AGAP1: variants seen among roughly 807,000 people sequenced by gnomAD.
The protein encoded by AGAP1 is arf-GAP with GTPase, ANK repeat and PH domain-containing protein 1.
Under a neutral mutation model 105.3 loss-of-function variants are expected in AGAP1, and 29 were observed. The ratio of observed to expected loss-of-function variants is 0.28; its 90% confidence interval spans 0.21 to 0.38. AGAP1 has a LOEUF of 0.38. Ranked by LOEUF, AGAP1 falls within the 10% of genes least tolerant of loss-of-function variation. The pLI is 1.00. For missense variants in AGAP1, 998 were observed against 1,165.1 expected, an observed-to-expected ratio of 0.86 and a Z score of 2.09; for synonymous variants, 509 against 485.9, an observed-to-expected ratio of 1.05 and a Z score of -0.63.
rs1170744061 is a variant in AGAP1, at chr2:236,078,378, A to G, written c.2114+29097A>G. Among the ~76,000 whole-genome samples, 1 of 152,102 alleles carries G rather than the reference A, an allele frequency of 6.6e-6. No homozygotes were observed. Among genetic ancestry groups the G allele is most frequent in the Admixed American group, 6.5e-5 (1 of 15,272 alleles). On this transcript the variant is annotated intron_variant, in intron 16 of 17. Transcript: ENST00000304032. This position sits in a 1 kb window ranked among gnomAD's most constrained non-coding sequence, Gnocchi z 5.3. Reference sequence around the variant, plus strand: ...CCTTTGTTTGGAGTCCATGGACTATAAGTGACATCTACAAAAGGCCTTCAC... The same window carrying G: ...CCTTTGTTTGGAGTCCATGGACTATGAGTGACATCTACAAAAGGCCTTCAC...
intron 13 of AGAP1, among the ~76,000 whole-genome samples, chr2:236,022,735 A>G (rs1217812084): frequency 6.6e-6 from 1 of 152,112 alleles, no homozygotes; most frequent in Non-Finnish European, 1.5e-5. Context: ...GAATTTTGCC[A>G]TGTTGCGCAG....
chr2:235,604,572 CTTTTTTTTTTTTTTTTT>C (rs1166523228), intron 1 of AGAP1, among the ~76,000 whole-genome samples: 1,192 of 69,782 alleles, frequency 0.017, 47 homozygotes, highest in African/African-American at 0.074. Flanking sequence ...TTTTTATTAT[CTTTTTTTTTTTTTTTTT>C]TTTTTTTTTT....
intron 1 of AGAP1, among the ~76,000 whole-genome samples, chr2:235,674,589 T>G (rs1284375807): frequency 6.6e-6 from 1 of 152,226 alleles, no homozygotes; most frequent in Admixed American, 6.5e-5. Flanking sequence ...CTTTTAAAAT[T>G]AGTAATTTAC....
In AGAP1 at chr2:235,712,313, C is replaced by T. The variant is rs79279863; in HGVS notation, c.222+3076C>T. Among the ~76,000 whole-genome samples, 1,357 of 152,336 alleles carry T rather than the reference C, an allele frequency of 8.9e-3. 27 individuals are homozygous for T. The highest frequency in any genetic ancestry group is 0.031 in the African/African-American group (1,293 of 41,576). On this transcript the variant is annotated intron_variant, in intron 2 of 17. Coordinates refer to ENST00000304032, the MANE Select transcript of AGAP1 (RefSeq NM_001037131.3). The surrounding 1 kb of genome is among the most constrained non-coding windows in gnomAD (Gnocchi z 6.0). ...GATGACAGGCCTGAGCCACTGCGCC[C>T]GGCCTGATGTTTTCTGAAGTTGTGC...
chr2:235,534,118 C>T lies in AGAP1; in HGVS notation c.163+39269C>T, dbSNP rs146429753. ...GAAGGAGTACTCACTGTGTGTTCTC[C>T]ATGCCCTTCTGTCTCTGAGAAGCAG... On this transcript the variant is annotated intron_variant, in intron 1 of 17. Coordinates refer to ENST00000304032, the MANE Select transcript of AGAP1 (RefSeq NM_001037131.3). Among the ~76,000 whole-genome samples, 481 of 152,324 alleles carry T rather than the reference C, an allele frequency of 3.2e-3. 5 individuals are homozygous for T. The highest frequency in any genetic ancestry group is 0.011 in the African/African-American group (471 of 41,578).
intron 5 of AGAP1, among the ~76,000 whole-genome samples, chr2:235,745,749 T>A (rs1342896295): frequency 6.6e-6 from 1 of 152,222 alleles, no homozygotes; most frequent in African/African-American, 2.4e-5. Flanking sequence ...CTAGGTGTGG[T>A]CTAAGTAGGA....
In AGAP1 at chr2:236,117,526, A is replaced by C. The variant is rs943544326; in HGVS notation, c.2115-2666A>C. Reference sequence around the variant, plus strand: ...TGTGGGAATATTAAAAAGAAATTGAATACTTGCAGTTAGCACTGTAGCTAC... The same window carrying C: ...TGTGGGAATATTAAAAAGAAATTGACTACTTGCAGTTAGCACTGTAGCTAC... On this transcript the variant is annotated intron_variant, in intron 16 of 17. Transcript: ENST00000304032. Among the ~76,000 whole-genome samples the C allele has an allele frequency of 2.0e-5, 3 of 152,174 alleles. 1 individual carries two copies. The highest frequency in any genetic ancestry group is 4.4e-5 in the Non-Finnish European group (3 of 68,030).
At chr2:235,503,557 C>G (rs1411722540) in intron 1 of AGAP1, among the ~76,000 whole-genome samples, 1 of 152,116 alleles carries the variant, frequency 6.6e-6, no homozygotes, top group Non-Finnish European at 1.5e-5. Flanking sequence ...GGGATTGAGA[C>G]CACTTCAAAC....
At chr2:235,499,172 G>A (rs192443320) in intron 1 of AGAP1, among the ~76,000 whole-genome samples, 1 of 152,296 alleles carries the variant, frequency 6.6e-6, no homozygotes, top group East Asian at 1.9e-4. Flanking sequence ...CTGTCGCCGT[G>A]TGAGATTGCG....
At chr2:235,821,418 C>G (rs900353436) in intron 9 of AGAP1, among the ~76,000 whole-genome samples, 1 of 142,316 alleles carries the variant, frequency 7.0e-6, no homozygotes, top group Non-Finnish European at 1.5e-5. Context: ...GGGTCTCGCT[C>G]TGTCACCCAG....
At chr2:236,067,624 A>G (rs1254129482) in intron 16 of AGAP1, among the ~76,000 whole-genome samples, 6 of 152,208 alleles carry the variant, frequency 3.9e-5, no homozygotes, top group African/African-American at 9.6e-5. Context: ...GAAATAATCT[A>G]TGTTACTATG....
chr2:236,063,326 A>G (rs1034092949), intron 16 of AGAP1, among the ~76,000 whole-genome samples: 2 of 152,024 alleles, frequency 1.3e-5, no homozygotes, highest in African/African-American at 4.8e-5. Context: ...CTGACCCCCA[A>G]GTGATCCACT....
In AGAP1 at chr2:235,600,935, T is replaced by C. The variant is rs1249002739; in HGVS notation, c.163+106086T>C. Among the ~76,000 whole-genome samples the C allele has an allele frequency of 6.6e-6, 1 of 152,166 alleles. No individual in the cohort carries two copies. Among genetic ancestry groups the C allele is most frequent in the Admixed American group, 6.5e-5 (1 of 15,276 alleles). On this transcript the variant is annotated intron_variant, in intron 1 of 17. Coordinates refer to ENST00000304032, the MANE Select transcript of AGAP1 (RefSeq NM_001037131.3). This position sits in a 1 kb window ranked among gnomAD's most constrained non-coding sequence, Gnocchi z 4.8. ...TGTTTCACCTGCAGCCTCCCCCATC[T>C]CAGCTGGTGCTCACTTTATTTTTAC...
At chr2:235,809,610 G>A (rs1053040912) in intron 9 of AGAP1, among the ~76,000 whole-genome samples, 3 of 152,122 alleles carry the variant, frequency 2.0e-5, no homozygotes, top group African/African-American at 7.2e-5. Flanking sequence ...TTTTTAAATC[G>A]GGGCACCCTT....
chr2:235,640,742 T>C (rs1210575220), intron 1 of AGAP1, among the ~76,000 whole-genome samples: 1 of 152,222 alleles, frequency 6.6e-6, no homozygotes, highest in Non-Finnish European at 1.5e-5. Context: ...TTCTAAAGAA[T>C]AGTCTAGGCA....
chr2:235,728,976 G>C lies in AGAP1; in HGVS notation c.310+11332G>C, dbSNP rs920470678. Among the ~76,000 whole-genome samples the C allele has an allele frequency of 6.6e-6, 1 of 151,582 alleles. No individual in the cohort carries two copies. Among genetic ancestry groups the C allele is most frequent in the African/African-American group, 2.4e-5 (1 of 40,850 alleles). ...CTGGCAGGGGACCAGGCCAGCTGCT[G>C]TGTGGGTCTTCCATGTCCCAGGGAC... On this transcript the variant is annotated intron_variant, in intron 3 of 17. Transcript: ENST00000304032. This position sits in a 1 kb window ranked among gnomAD's most constrained non-coding sequence, Gnocchi z 4.3.
At chr2:236,026,911 T>C (rs115640212) in intron 13 of AGAP1, among the ~76,000 whole-genome samples, 2,008 of 152,246 alleles carry the variant, frequency 0.013, 53 homozygotes, top group African/African-American at 0.046. Flanking sequence ...GGAGAGCTCC[T>C]TTTTTTAAAT....
chr2:235,671,895 A>G (rs1195240123), intron 1 of AGAP1, among the ~76,000 whole-genome samples: 1 of 152,000 alleles, frequency 6.6e-6, no homozygotes, highest in Non-Finnish European at 1.5e-5. Context: ...GCCTCCAGAA[A>G]CCTCAAAACA....
chr2:235,764,402 A>G (rs1180567939), intron 6 of AGAP1, among the ~76,000 whole-genome samples: 4 of 151,982 alleles, frequency 2.6e-5, no homozygotes, highest in Admixed American at 2.6e-4. Context: ...GCCTTTCCTC[A>G]TTGTCCATCT....
Sources: gnomAD v4.1 joint callset for allele counts (sites outside exome capture counted in the v4.1 genomes callset) on GRCh38, gnomAD v4.1.1 for gene constraint, Gnocchi (gnomAD v3.1) non-coding constraint, MANE v1.5 for transcripts, NCBI Gene and HGNC (gene_info 2026-07-23, HGNC 2026-07-21) for gene names.